The following PNPLA1 variants were observed in gnomAD, a reference collection of about 807,000 sequenced individuals.
PNPLA1 encodes the protein omega-hydroxyceramide transacylase.
In PNPLA1, 36 loss-of-function variants were observed where a neutral mutation model predicts 51.7. The observed-to-expected ratio is 0.70, with a 90% confidence interval of 0.53 to 0.92. The LOEUF (loss-of-function observed/expected upper bound fraction) is 0.92, where lower values mean the gene tolerates loss of function less well. Ranked by LOEUF, PNPLA1 falls within the 40% of genes least tolerant of loss-of-function variation. The probability of loss-of-function intolerance (pLI) is 0.00; values close to 1 mark genes in which losing one functional copy is unlikely to be tolerated. For missense variants in PNPLA1, 658 were observed against 682.5 expected (o/e 0.96, Z 0.40); for synonymous variants, 293 against 280.1 (o/e 1.05, Z -0.46).
intron 1 of PNPLA1, among the ~76,000 whole-genome samples, chr6:36,263,190 C>T (rs1408771454): frequency 6.6e-6 from 1 of 152,158 alleles, no homozygotes. Flanking sequence ...CAATTTATTA[C>T]ATTAAAATTT....
chr6:36,290,337 G>A (rs1000800629), intron 1 of PNPLA1, among the ~76,000 whole-genome samples: 4 of 152,226 alleles, frequency 2.6e-5, no homozygotes, highest in Non-Finnish European at 5.9e-5. Context: ...TCAGCAAAAA[G>A]CAGGTGTGGG....
At position 36,301,980 on chromosome 6, in the gene PNPLA1, G is replaced by A. The variant is rs908508975; in HGVS notation, c.895G>A (p.Ala299Thr). ...CPERSQPSLR[A>T]RQASLEGATQ... is the part of the protein sequence containing the mutation. ...TGAACGCAGTCAACCAAGCCTTCGA[G>A]CACGGCAGGCCAGTCTGGAAGGAGC... Residue 299 changes from alanine (A) to threonine (T), a missense_variant, in exon 6 of 9, where the codon GCA becomes ACA. Physicochemically the swap from Ala to Thr is moderately conservative, Grantham distance 58. Coordinates refer to ENST00000636260, the MANE Select transcript of PNPLA1 (RefSeq NM_001374623.1). 1.9e-6 allele frequency: 3 copies of A among 1,614,202 alleles called. No homozygotes were observed. Among genetic ancestry groups the A allele is most frequent in the East Asian group, 2.2e-5 (1 of 44,882 alleles).
At chr6:36,289,708 G>A (rs1197865961) in intron 1 of PNPLA1, among the ~76,000 whole-genome samples, 2 of 152,142 alleles carry the variant, frequency 1.3e-5, no homozygotes, top group East Asian at 1.9e-4. Flanking sequence ...GTGGGGTATG[G>A]AGTCAGAAAA....
rs1771064429 is a variant in PNPLA1, at chr6:36,301,952, C to A, written c.867C>A (p.Cys289Ter). Residue 289 changes from cysteine to a stop codon, truncating the protein, a stop_gained, in exon 6 of 9, where the codon TGC becomes TGA. Transcript: ENST00000636260. LOFTEE classifies it high-confidence loss of function. ...TAGAACTCGCCCTTGGCAATGAGTG[C>A]CCTGAACGCAGTCAACCAAGCCTTC... ...CQIELALGNECPERSQPSLRA... is the reference protein window; with the variant it reads ...CQIELALGNE The A allele has an allele frequency of 6.2e-7, 1 of 1,614,080 alleles. No homozygotes were observed. The highest frequency in any genetic ancestry group is 1.3e-5 in the African/African-American group (1 of 74,914).
At chr6:36,311,491 C>T (rs1419443544) in intron 8 of PNPLA1, among the ~76,000 whole-genome samples, 1 of 152,168 alleles carries the variant, frequency 6.6e-6, no homozygotes, top group African/African-American at 2.4e-5. Context: ...GCTGGACTTC[C>T]CGTGTGGTGC....
chr6:36,300,948 T>C (rs1771022753), intron 5 of PNPLA1, among the ~76,000 whole-genome samples: 2 of 152,252 alleles, frequency 1.3e-5, no homozygotes, highest in Admixed American at 1.3e-4. Flanking sequence ...ATGGTTATGT[T>C]ATACTTTGGG....
chr6:36,257,317 T>C (rs1338535082), intron 1 of PNPLA1, among the ~76,000 whole-genome samples: 3 of 152,226 alleles, frequency 2.0e-5, no homozygotes, highest in African/African-American at 7.2e-5. Context: ...AATAAGGATA[T>C]TTTATTTTTC....
intron 1 of PNPLA1, among the ~76,000 whole-genome samples, chr6:36,246,051 T>C (rs560425814): frequency 1.3e-5 from 2 of 152,254 alleles, no homozygotes; most frequent in South Asian, 4.2e-4. Flanking sequence ...AGCCAACATT[T>C]TGTGAGTCCT....
intron 1 of PNPLA1, among the ~76,000 whole-genome samples, chr6:36,272,872 T>C (rs1447353900): frequency 1.3e-5 from 2 of 152,300 alleles, no homozygotes; most frequent in South Asian, 4.1e-4. Flanking sequence ...ATGTATAATA[T>C]AATTTTTTCT....
intron 6 of PNPLA1, among the ~76,000 whole-genome samples, chr6:36,303,091 A>G (rs1051684492): frequency 4.0e-5 from 6 of 151,320 alleles, no homozygotes; most frequent in Non-Finnish European, 5.9e-5. Flanking sequence ...TTTGTTATAG[A>G]CTACAAAGAA....
rs1396383442 is a variant in PNPLA1 at position 36,270,135 on chromosome 6, G to A, written c.-325G>A. Among the ~76,000 whole-genome samples the A allele has an allele frequency of 6.6e-6, 1 of 152,258 alleles. No individual in the cohort carries two copies. ...ATGGGCAGAGGGCTGAGGATCCCGT[G>A]CCCGAGATGAATCTAGCCAAGAAAT... On this transcript the variant is annotated 5_prime_UTR_variant, in exon 1 of 9. Transcript: ENST00000636260.
chr6:36,270,170 G>A lies in PNPLA1; in HGVS notation c.-290G>A, dbSNP rs550879503. 6.6e-6 allele frequency among the ~76,000 whole-genome samples: 1 copy of A among 152,230 alleles called. No homozygotes were observed. Among genetic ancestry groups the A allele is most frequent in the Non-Finnish European group, 1.5e-5 (1 of 68,032 alleles). ...AATCTAGCCAAGAAATGAAGCCAGT[G>A]GGGGGCTCACAGGACCAAGACCCTG... On this transcript the variant is annotated 5_prime_UTR_variant, in exon 1 of 9. Coordinates refer to ENST00000636260, the MANE Select transcript of PNPLA1 (RefSeq NM_001374623.1).
rs558881468 is a variant in PNPLA1 at position 36,254,778 on chromosome 6, T to C, written c.-81+11517T>C. On this transcript the variant is annotated intron_variant, in intron 1 of 7. Coordinates refer to the PNPLA1 transcript ENST00000312917. ...CAGGGGCTGAGACCTCTCTGGGCCA[T>C]TGGTAGACAGACAGAAGTGGCTGCT... 3.9e-5 allele frequency among the ~76,000 whole-genome samples: 6 copies of C among 152,152 alleles called. No homozygotes were observed. The South Asian group carries it at 8.3e-4, about 21-fold the overall frequency.
At chr6:36,280,672 A>ATC (rs1386719829) in intron 1 of PNPLA1, among the ~76,000 whole-genome samples, 1 of 152,148 alleles carries the variant, frequency 6.6e-6, no homozygotes, top group Non-Finnish European at 1.5e-5. Context: ...TTACCACATC[A>ATC]TCAGCTTTCC....
In PNPLA1 at chr6:36,294,453, G is replaced by A; in HGVS notation, c.714+54G>A. 6.5e-7 allele frequency: 1 copy of A among 1,549,208 alleles called. No individual in the cohort carries two copies. On this transcript the variant is annotated intron_variant, in intron 4 of 8. Transcript: ENST00000636260. The surrounding 1 kb of genome is among the most constrained non-coding windows in gnomAD (Gnocchi z 4.2). ...GCAGAAGGTACCAGGGACTAGGGGT[G>A]GGGTTAGAGAGCCACTGGGGCCCAC...
chr6:36,292,914 A>AC (rs1447243157), intron 2 of PNPLA1, 147 bp from the exon 3 acceptor site: 3 of 610,152 alleles, frequency 4.9e-6, no homozygotes, highest in Non-Finnish European at 8.2e-6. Context: ...CAGGAACTGA[A>AC]CTCGGAGCTT....
Position 36,291,393 on chromosome 6 carries a change from C to A in PNPLA1, c.279C>A (p.Ser93=). 1 of 1,614,172 alleles carries A rather than the reference C, an allele frequency of 6.2e-7. No homozygotes were observed. The highest frequency in any genetic ancestry group is 1.1e-5 in the South Asian group (1 of 91,080). The change falls in exon 2 of 9, where the codon TCC becomes TCA. Residue 93 remains serine, a synonymous_variant. Transcript: ENST00000636260. ...CCTTCCTGGGGCCCTTGTCCCCGTC[C>A]TGTAAGATGGTGCAGATGATGAGGC... ...KKSFLGPLSP[S]CKMVQMMRQF...
intron 5 of PNPLA1, among the ~76,000 whole-genome samples, chr6:36,296,406 T>C (rs1479783069): frequency 6.6e-6 from 1 of 152,248 alleles, no homozygotes; most frequent in African/African-American, 2.4e-5. Flanking sequence ...CACATGTCTT[T>C]GTGACTGTCT....
rs1769892417 is a variant in PNPLA1 at position 36,270,793 on chromosome 6, G to T, written c.205+129G>T. The T allele has an allele frequency of 7.3e-6, 8 of 1,096,606 alleles. No individual in the cohort carries two copies. In the East Asian group the frequency reaches 2.1e-4, roughly 28 times the overall value. 67.9% of individuals were successfully genotyped at this position (1,096,606 alleles called of 1,614,324 possible). A position where few individuals can be genotyped will look rare whatever the true frequency, so the allele number is the denominator to read the frequency against. On this transcript the variant is annotated intron_variant, in intron 1 of 8. Transcript: ENST00000636260. ...CCTGGGTGGCAGGAAGGGAAGGGAA[G>T]AGCTGGTTGGAGTAGGATAGCGGCA... is the stretch of plus-strand genomic sequence containing the variant.
Sources: gnomAD v4.1 joint callset for allele counts (sites outside exome capture counted in the v4.1 genomes callset) on GRCh38, gnomAD v4.1.1 for gene constraint, Gnocchi (gnomAD v3.1) non-coding constraint, MANE v1.5 for transcripts, NCBI Gene and HGNC (gene_info 2026-07-23, HGNC 2026-07-21) for gene names.